ISG20: variants seen among roughly 807,000 people sequenced by gnomAD.
The protein encoded by ISG20 is interferon stimulated exonuclease gene 20.
A neutral mutation model predicts 11.1 loss-of-function variants in ISG20; 8 were observed. That is an observed-to-expected ratio of 0.72 (90% CI 0.42 to 1.30). The LOEUF (loss-of-function observed/expected upper bound fraction) is 1.30. Among genes scored for constraint, ISG20 ranks in the 50% most tolerant of loss-of-function variants. ISG20 has a pLI of 0.01. For missense variants in ISG20, 243 were observed against 250.2 expected (o/e 0.97, Z 0.19); for synonymous variants, 110 against 101.7 (o/e 1.08, Z -0.49).
At chr15:88,640,769 T>G (rs958401196) in intron 2 of ISG20, among the ~76,000 whole-genome samples, 2 of 151,608 alleles carry the variant, frequency 1.3e-5, no homozygotes, top group Non-Finnish European at 2.9e-5. Context: ...TTCAAGACCA[T>G]CCTGGGCAAC....
chr15:88,653,695 C>G (rs946036309), intron 3 of ISG20, among the ~76,000 whole-genome samples: 5 of 152,068 alleles, frequency 3.3e-5, no homozygotes, highest in Non-Finnish European at 7.4e-5. Flanking sequence ...ACTGATGCCC[C>G]TAGAAACCAG....
At chr15:88,649,083 G>C (rs147036803) in intron 2 of ISG20, 1 of 152,274 alleles carries the variant, frequency 6.6e-6, no homozygotes, top group East Asian at 1.9e-4. Context: ...GCTGCTAAAG[G>C]GCCACTCAAG....
intron 2 of ISG20, among the ~76,000 whole-genome samples, chr15:88,641,311 T>G (rs990299386): frequency 6.6e-6 from 1 of 152,124 alleles, no homozygotes; most frequent in African/African-American, 2.4e-5. Flanking sequence ...TACCTTATTA[T>G]CCCCATATTA....
chr15:88,649,559 G>A (rs962650530), intron 2 of ISG20: 1 of 152,674 alleles, frequency 6.5e-6, no homozygotes, highest in Non-Finnish European at 1.5e-5. Context: ...ATGTTAGCAA[G>A]AAAAGACACA....
chr15:88,637,915 G>T (rs1168893514), upstream of ISG20, among the ~76,000 whole-genome samples: 1 of 152,142 alleles, frequency 6.6e-6, no homozygotes, highest in Non-Finnish European at 1.5e-5. Context: ...AGCAAAAGTT[G>T]CTTATTCAGG....
chr15:88,638,018 G>C (rs2058012855), upstream of ISG20, among the ~76,000 whole-genome samples: 2 of 152,126 alleles, frequency 1.3e-5, no homozygotes, highest in South Asian at 4.1e-4. Flanking sequence ...TCAGTCTTTG[G>C]TTTTATTTTT....
intron 2 of ISG20, among the ~76,000 whole-genome samples, chr15:88,645,428 C>G (rs925765980): frequency 6.6e-6 from 1 of 152,072 alleles, no homozygotes; most frequent in African/African-American, 2.4e-5. Flanking sequence ...TCGATGCTGA[C>G]CCTCGTTTTC....
intron 2 of ISG20, among the ~76,000 whole-genome samples, chr15:88,646,067 G>C (rs1291964240): frequency 1.3e-5 from 2 of 152,214 alleles, no homozygotes; most frequent in Non-Finnish European, 2.9e-5. Flanking sequence ...GCATAGCCCT[G>C]ATGGGCAGGG....
rs758775270 is a variant in ISG20 at position 88,650,419 on chromosome 15, C to CA, written c.229-1690dup. On this transcript the variant is annotated intron_variant, in intron 2 of 3. Coordinates refer to ENST00000306072, the MANE Select transcript of ISG20 (RefSeq NM_002201.6). This position sits in a 1 kb window ranked among gnomAD's most constrained non-coding sequence, Gnocchi z 4.0. ...CGTTCACTCTTCTGGCTCAGTGTGG[C>CA]AGTGGCAGGCGGGCTCTGGATTCAT... 9.3e-6 allele frequency: 14 copies of CA among 1,499,652 alleles called. No individual in the cohort carries two copies. Among genetic ancestry groups the CA allele is most frequent in the Middle Eastern group, 4.6e-4 (2 of 4,310 alleles). 92.9% of individuals were successfully genotyped at this position (1,499,652 alleles called of 1,614,324 possible). A position where few individuals can be genotyped will look rare whatever the true frequency, so the allele number is the denominator to read the frequency against.
At position 88,643,700 on chromosome 15, in the gene ISG20, A is replaced by G. The variant is rs28477700; in HGVS notation, c.228+4106A>G. On this transcript the variant is annotated intron_variant, in intron 2 of 3. Transcript: ENST00000306072. This position sits in a 1 kb window ranked among gnomAD's most constrained non-coding sequence, Gnocchi z 4.4. ...AGCCTGGGCGACAGAGCAAGACCCC[A>G]TCTCAAAAAAAGAAAAAATTACATC... Among the ~76,000 whole-genome samples the G allele has an allele frequency of 0.45, 68,054 of 152,012 alleles. 15,602 individuals carry two copies. Among genetic ancestry groups the G allele is most frequent in the Non-Finnish European group, 0.48 (32,847 of 67,984 alleles).
chr15:88,639,669 C>A lies in ISG20; in HGVS notation c.228+75C>A. ...CTTCCCTGGCCCCTCTTCCCTGGTG[C>A]CCATCTGTGACCTGTGACCCCACTT... On this transcript the variant is annotated intron_variant, in intron 2 of 3. Coordinates refer to ENST00000306072, the MANE Select transcript of ISG20 (RefSeq NM_002201.6). The surrounding 1 kb of genome is among the most constrained non-coding windows in gnomAD (Gnocchi z 4.2). 1 of 1,198,086 alleles carries A rather than the reference C, an allele frequency of 8.3e-7. No homozygotes were observed. The highest frequency in any genetic ancestry group is 1.2e-6 in the Non-Finnish European group (1 of 827,350). The allele number at this position is 1,198,086 out of a possible 1,614,324, so 74.2% of individuals were successfully genotyped here.
At position 88,639,579 on chromosome 15, in the gene ISG20, C is replaced by G. The variant is rs141814083; in HGVS notation, c.213C>G (p.Ala71=). The change falls in exon 2 of 4, where the codon GCC becomes GCG. Residue 71 remains alanine (A), a synonymous_variant. Coordinates refer to ENST00000306072, the MANE Select transcript of ISG20 (RefSeq NM_002201.6). The surrounding 1 kb of genome is among the most constrained non-coding windows in gnomAD (Gnocchi z 4.2). ...ACATGGTGGGGGCCACACCATTTGC[C>G]GTGGCCAGGCTAGAGGTGAGTGAAG... The part of the protein sequence containing the change: ...PQHMVGATPF[A]VARLEILQLL... 6.2e-7 allele frequency: 1 copy of G among 1,613,842 alleles called. No homozygotes were observed. The highest frequency in any genetic ancestry group is 8.5e-7 in the Non-Finnish European group (1 of 1,179,808).
At chr15:88,642,414 A>G (rs1005877742) in intron 2 of ISG20, among the ~76,000 whole-genome samples, 26 of 152,226 alleles carry the variant, frequency 1.7e-4, no homozygotes, top group African/African-American at 6.0e-4. Context: ...ACACAGTTCA[A>G]CCCATAAACT....
chr15:88,654,174 C>T (rs1418422571), intron 3 of ISG20, among the ~76,000 whole-genome samples: 1 of 152,122 alleles, frequency 6.6e-6, no homozygotes, highest in Non-Finnish European at 1.5e-5. Flanking sequence ...CTGTTCTTGG[C>T]TTCCTTCTCC....
Position 88,652,273 on chromosome 15 carries a change from G to A in ISG20, c.392G>A (p.Arg131Gln), listed in dbSNP as rs771930617. The change falls in exon 3 of 4, where the codon CGG becomes CAG. Residue 131 changes from arginine (R) to glutamine (Q), a missense_variant. Transcript: ENST00000306072. The stretch of plus-strand genomic sequence containing the variant: ...GACCACTGCAGGCGTGTCTCCCTGC[G>A]GGTGCTGAGTGAGCGCCTCCTACAC... Reference protein sequence around the residue: ...KLDHCRRVSLRVLSERLLHKS... With the variant: ...KLDHCRRVSLQVLSERLLHKS... 1.9e-5 allele frequency: 30 copies of A among 1,613,492 alleles called. No individual in the cohort carries two copies. Among genetic ancestry groups the A allele is most frequent in the Non-Finnish European group, 2.2e-5 (26 of 1,179,780 alleles).
At chr15:88,641,110 A>G (rs927693866) in intron 2 of ISG20, among the ~76,000 whole-genome samples, 84 of 151,990 alleles carry the variant, frequency 5.5e-4, no homozygotes, top group Middle Eastern at 3.4e-3. Flanking sequence ...CTCTGGCCTC[A>G]GCCTCCCAAG....
upstream of ISG20, among the ~76,000 whole-genome samples, chr15:88,636,888 G>C (rs972960181): frequency 4.6e-5 from 7 of 152,260 alleles, no homozygotes; most frequent in Non-Finnish European, 7.4e-5. Context: ...TCATGGAATG[G>C]GAGCAATGTG....
chr15:88,640,499 A>G (rs2058062291), intron 2 of ISG20, among the ~76,000 whole-genome samples: 1 of 152,228 alleles, frequency 6.6e-6, no homozygotes, highest in South Asian at 2.1e-4. Flanking sequence ...TAAGAGGGTC[A>G]GTTTCAATCT....
intron 3 of ISG20, among the ~76,000 whole-genome samples, chr15:88,654,474 C>A (rs548426240): frequency 6.6e-6 from 1 of 152,340 alleles, no homozygotes; most frequent in South Asian, 2.1e-4. Context: ...CCTGTGAGAA[C>A]AGGAAGTCCT....
Sources: allele counts gnomAD v4.1 joint callset (sites outside exome capture counted in the v4.1 genomes callset), GRCh38; gene constraint gnomAD v4.1.1; non-coding constraint Gnocchi (gnomAD v3.1); transcripts MANE v1.5; gene names NCBI Gene and HGNC (gene_info 2026-07-23, HGNC 2026-07-21).